SYNE1: variants seen among roughly 807,000 people sequenced by gnomAD.
SYNE1 encodes the protein spectrin repeat containing nuclear envelope protein 1, also known as nesprin-1.
SYNE1 carries 616 observed loss-of-function variants against 1,111.0 expected under a neutral mutation model. The ratio of observed to expected loss-of-function variants is 0.55; its 90% confidence interval spans 0.52 to 0.59. The LOEUF (loss-of-function observed/expected upper bound fraction) is 0.59. Among genes scored for constraint, SYNE1 ranks in the 20% least tolerant of loss-of-function variants. SYNE1 has a pLI of 0.00. For synonymous variants in SYNE1, 3,855 were observed against 3,825.8 expected (o/e 1.01, Z -0.28); for missense variants, 10,006 against 10,417.0 (o/e 0.96, Z 1.72).
intron 3 of SYNE1, among the ~76,000 whole-genome samples, chr6:152,610,892 C>G (rs1452071175): frequency 6.6e-6 from 1 of 152,154 alleles, no homozygotes; most frequent in Non-Finnish European, 1.5e-5. Context: ...TCCAGCCAAA[C>G]TAATCTTCAT....
chr6:152,452,490 T>C (rs114160591), intron 25 of SYNE1, among the ~76,000 whole-genome samples: 1 of 152,224 alleles, frequency 6.6e-6, no homozygotes, highest in Admixed American at 6.5e-5. Flanking sequence ...TTTCTTTAAC[T>C]GTGTTTTTCT....
intron 53 of SYNE1, among the ~76,000 whole-genome samples, 157 bp downstream of exon 53, chr6:152,390,123 T>C (rs377526814): frequency 6.6e-6 from 1 of 152,266 alleles, no homozygotes; most frequent in East Asian, 1.9e-4. Context: ...AAACCAGTCA[T>C]CGCCCTATGG....
intron 97 of SYNE1, 43 bp downstream of exon 97, chr6:152,281,764 T>A: frequency 6.2e-7 from 1 of 1,609,608 alleles, no homozygotes; most frequent in Non-Finnish European, 8.5e-7. Flanking sequence ...TAAAAAAATG[T>A]GCTTCATGAT....
chr6:152,298,888 TGTC>T (rs1185198607), intron 93 of SYNE1, among the ~76,000 whole-genome samples: 1 of 152,222 alleles, frequency 6.6e-6, no homozygotes, highest in African/African-American at 2.4e-5. Context: ...TAAAGCTGTG[TGTC>T]TTAATCTAAG....
intron 91 of SYNE1, among the ~76,000 whole-genome samples, chr6:152,304,421 A>T (rs1044850161): frequency 6.6e-6 from 1 of 152,126 alleles, no homozygotes; most frequent in Admixed American, 6.5e-5. Flanking sequence ...TGCAACCTCC[A>T]TCTCCGGGGT....
chr6:152,473,348 G>A (rs993623512), intron 14 of SYNE1, among the ~76,000 whole-genome samples: 3 of 152,102 alleles, frequency 2.0e-5, no homozygotes, highest in African/African-American at 7.2e-5. Context: ...CTAAAATTTA[G>A]CAAATTAGAG....
At chr6:152,257,177 TG>T (rs1305871539) in intron 101 of SYNE1, among the ~76,000 whole-genome samples, 2 of 152,162 alleles carry the variant, frequency 1.3e-5, no homozygotes, top group Admixed American at 6.5e-5. Context: ...CATTACACAC[TG>T]TATACATGTA....
intron 130 of SYNE1, among the ~76,000 whole-genome samples, chr6:152,172,313 T>C (rs2065410925): frequency 6.6e-6 from 1 of 152,294 alleles, no homozygotes; most frequent in East Asian, 1.9e-4. Context: ...TTACATGCTT[T>C]AGATAGATGA....
intron 130 of SYNE1, chr6:152,167,825 T>C (rs1183882824): frequency 6.4e-6 from 4 of 621,944 alleles, no homozygotes; most frequent in Middle Eastern, 5.5e-4. Context: ...CTCTCTACTC[T>C]AGCCATACTC....
intron 77 of SYNE1, 66 bp from the exon 78 acceptor site, chr6:152,331,956 A>G (rs2096257168): frequency 1.9e-6 from 3 of 1,593,550 alleles, no homozygotes; most frequent in Non-Finnish European, 8.5e-7. Context: ...TGTTCATACT[A>G]TGCTAAATTA....
At chr6:152,239,814 T>C (rs533771322) in intron 107 of SYNE1, 108 bp from the exon 108 acceptor site, 89 of 1,204,074 alleles carry the variant, frequency 7.4e-5, no homozygotes, top group African/African-American at 3.8e-4. Flanking sequence ...ATCCCAACAG[T>C]TGGGGAGGCT....
intron 3 of SYNE1, 25 bp downstream of exon 3, chr6:152,628,240 A>G: frequency 1.2e-6 from 2 of 1,613,528 alleles, no homozygotes; most frequent in East Asian, 2.2e-5. Context: ...GAATTTTTTT[A>G]AAACCTGAAA....
chr6:152,405,465 A>G (rs1267535626), intron 45 of SYNE1, among the ~76,000 whole-genome samples: 2 of 152,256 alleles, frequency 1.3e-5, no homozygotes, highest in Non-Finnish European at 2.9e-5. Flanking sequence ...ATGATACAAT[A>G]GATGTCAATA....
chr6:152,483,537 A>T (rs1434376342), intron 13 of SYNE1, among the ~76,000 whole-genome samples: 1 of 152,134 alleles, frequency 6.6e-6, no homozygotes, highest in Non-Finnish European at 1.5e-5. Context: ...AGCATGAAGC[A>T]CCCACTGATT....
At chr6:152,201,282 T>A (rs1441195242) in intron 127 of SYNE1, among the ~76,000 whole-genome samples, 2 of 152,122 alleles carry the variant, frequency 1.3e-5, no homozygotes, top group Non-Finnish European at 2.9e-5. Flanking sequence ...GCTACTGACT[T>A]GCTTCCAAGT....
chr6:152,188,969 AAAAAAAAAAAAAAAAAT>A (rs2071170148), intron 128 of SYNE1, among the ~76,000 whole-genome samples: 2 of 55,710 alleles, frequency 3.6e-5, no homozygotes, highest in South Asian at 6.3e-4. Flanking sequence ...AAAAAAAAAA[AAAAAAAAAAAAAAAAAT>A]ATATATATAT....
chr6:152,163,959 A>G (rs568256881), intron 131 of SYNE1, among the ~76,000 whole-genome samples: 11 of 152,282 alleles, frequency 7.2e-5, no homozygotes, highest in Admixed American at 5.9e-4. Context: ...TGGCACAACC[A>G]TCTTTGTAAG....
At chr6:152,329,627 G>A in intron 78 of SYNE1, 103 bp downstream of exon 78, 1 of 1,461,378 alleles carries the variant, frequency 6.8e-7, no homozygotes, top group Non-Finnish European at 9.5e-7. Context: ...TATTTCGAAA[G>A]AAATATTTAA....
Position 152,462,786 on chromosome 6 carries a change from G to C in SYNE1, c.2202C>G (p.Pro734=), listed in dbSNP as rs2098741942. ...ATEAHKKLSE[P]LEVSFMNVKL... Reference sequence around the variant, plus strand: ...TGACATTCATAAAAGAGACTTCTAAGGGTTCAGAAAGTTTCTTATGGGCTT... The same window carrying C: ...TGACATTCATAAAAGAGACTTCTAACGGTTCAGAAAGTTTCTTATGGGCTT... The change falls in exon 20 of 146, where the codon CCC becomes CCG. Residue 734 remains proline, a synonymous_variant. Transcript: ENST00000367255. 1.9e-6 allele frequency: 3 copies of C among 1,613,966 alleles called. No homozygotes were observed. Among genetic ancestry groups the C allele is most frequent in the Non-Finnish European group, 2.5e-6 (3 of 1,179,924 alleles).
Sources: gnomAD v4.1 joint callset for allele counts (sites outside exome capture counted in the v4.1 genomes callset) on GRCh38, gnomAD v4.1.1 for gene constraint, MANE v1.5 for transcripts, NCBI Gene and HGNC (gene_info 2026-07-23, HGNC 2026-07-21) for gene names.